Variants in APBB2 observed in about 807,000 individuals in gnomAD.
The protein encoded by APBB2 is Fe65-like 1.
A neutral mutation model predicts 82.5 loss-of-function variants in APBB2; 38 were observed. That is an observed-to-expected ratio of 0.46 (90% CI 0.36 to 0.60). APBB2 has a LOEUF of 0.60. Among genes scored for constraint, APBB2 ranks in the 20% least tolerant of loss-of-function variants. The pLI is 0.00. For synonymous variants in APBB2, 341 were observed against 368.2 expected (o/e 0.93, Z 0.85); for missense variants, 772 against 972.3 (o/e 0.79, Z 2.74).
At chr4:41,014,462 A>G (rs774354213) in intron 5 of APBB2, 64 bp from the exon 6 acceptor site, 6 of 1,416,390 alleles carry the variant, frequency 4.2e-6, no homozygotes, top group Non-Finnish European at 5.9e-6. Context: ...CAGTGTGAGT[A>G]AATATTTTTA....
chr4:40,955,651 G>A (rs887049505), intron 6 of APBB2, among the ~76,000 whole-genome samples: 1 of 152,164 alleles, frequency 6.6e-6, no homozygotes, highest in African/African-American at 2.4e-5. Flanking sequence ...AGTGGCTCGT[G>A]CCTGTAATCT....
chr4:40,920,380 T>C (rs1448710697), intron 10 of APBB2, among the ~76,000 whole-genome samples: 1 of 152,216 alleles, frequency 6.6e-6, no homozygotes, highest in Non-Finnish European at 1.5e-5. Flanking sequence ...CGTGTATGTC[T>C]TTATTAGCAG....
At chr4:40,930,454 C>CGT (rs988055594) in intron 10 of APBB2, among the ~76,000 whole-genome samples, 4 of 103,446 alleles carry the variant, frequency 3.9e-5, no homozygotes, top group African/African-American at 1.8e-4. Flanking sequence ...TGTGTGCGCG[C>CGT]GCGCGCGCGC....
chr4:41,007,672 T>G (rs1026076034), intron 6 of APBB2, among the ~76,000 whole-genome samples: 1 of 152,208 alleles, frequency 6.6e-6, no homozygotes, highest in Non-Finnish European at 1.5e-5. Flanking sequence ...ATACAAATTG[T>G]TATTACTTTT....
chr4:40,898,179 G>A (rs28620505), intron 10 of APBB2, among the ~76,000 whole-genome samples: 6,414 of 152,256 alleles, frequency 0.042, 433 homozygotes, highest in African/African-American at 0.15. Context: ...GCATGTGCGA[G>A]GCCCAAAGAA....
chr4:40,905,646 C>T (rs1248851485), intron 10 of APBB2, among the ~76,000 whole-genome samples: 1 of 152,196 alleles, frequency 6.6e-6, no homozygotes, highest in Non-Finnish European at 1.5e-5. Flanking sequence ...TTGAGAAAAG[C>T]AATCATTGTG....
At position 41,208,324 on chromosome 4, in the gene APBB2, C is replaced by T. The variant is rs191257913; in HGVS notation, c.-417+6081G>A. ...TCACCCAGGCTGGAGTGCAGTGGCG[C>T]GGTCTCAGCTCACAGCAACCTCCAC... On this transcript the variant is annotated intron_variant, in intron 1 of 17. Transcript: ENST00000508593. 4.0e-3 allele frequency among the ~76,000 whole-genome samples: 613 copies of T among 152,224 alleles called. 5 individuals carry two copies. Among genetic ancestry groups the T allele is most frequent in the Non-Finnish European group, 5.4e-3 (370 of 68,010 alleles).
At chr4:40,861,836 A>G (rs1762835930) in intron 12 of APBB2, among the ~76,000 whole-genome samples, 1 of 152,200 alleles carries the variant, frequency 6.6e-6, no homozygotes, top group Non-Finnish European at 1.5e-5. Context: ...TCTAAAAATA[A>G]AAATGTTACT....
In APBB2 at chr4:41,013,856, CT is replaced by C. The variant is rs1297193829; in HGVS notation, c.561del (p.Glu188ArgfsTer36). On this transcript the variant is annotated frameshift_variant, in exon 6 of 18. Transcript: ENST00000508593. LOFTEE classifies it high-confidence loss of function. The stretch of plus-strand genomic sequence containing the variant: ...TGGCCCTGGACTGGCTGGGATTTCT[CT>C]TCCGCAGTCCCATGGTGATTGCCTC... ...QNRGNHHGTA[E>X]EKSQPVQGQA... 1 of 1,614,166 alleles carries C rather than the reference CT, an allele frequency of 6.2e-7. No homozygotes were observed. Among genetic ancestry groups the C allele is most frequent in the South Asian group, 1.1e-5 (1 of 91,084 alleles).
intron 1 of APBB2, among the ~76,000 whole-genome samples, chr4:41,210,830 C>T (rs1779132392): frequency 6.6e-6 from 1 of 152,164 alleles, no homozygotes; most frequent in African/African-American, 2.4e-5. Context: ...AAGTTTAAAG[C>T]TCTATTGCTG....
At chr4:41,118,897 T>C (rs930109968) in intron 2 of APBB2, among the ~76,000 whole-genome samples, 6 of 152,280 alleles carry the variant, frequency 3.9e-5, no homozygotes, top group East Asian at 3.9e-4. Context: ...TCTAGCACTT[T>C]GGCAGGCTGA....
At chr4:40,863,315 G>C (rs778116119) in intron 12 of APBB2, among the ~76,000 whole-genome samples, 17 of 152,208 alleles carry the variant, frequency 1.1e-4, no homozygotes, top group Non-Finnish European at 2.1e-4. Flanking sequence ...TATCAACAGA[G>C]CAGGCGGGAT....
chr4:40,906,967 T>G (rs1219109809), intron 10 of APBB2, among the ~76,000 whole-genome samples: 1 of 152,172 alleles, frequency 6.6e-6, no homozygotes, highest in Non-Finnish European at 1.5e-5. Flanking sequence ...TGCATGTATA[T>G]GTAAATATGC....
intron 12 of APBB2, among the ~76,000 whole-genome samples, chr4:40,843,284 G>A (rs948097799): frequency 2.0e-5 from 3 of 152,200 alleles, no homozygotes; most frequent in African/African-American, 7.2e-5. Context: ...CGGCCAGCAG[G>A]GCCCTGCAGG....
Position 40,914,360 on chromosome 4 carries a change from G to A in APBB2, c.1254+20096C>T, listed in dbSNP as rs558510436. 3.3e-5 allele frequency among the ~76,000 whole-genome samples: 5 copies of A among 152,012 alleles called. No individual in the cohort carries two copies. The East Asian group carries it at 5.8e-4, about 18-fold the overall frequency. On this transcript the variant is annotated intron_variant, in intron 10 of 17. Coordinates refer to ENST00000508593, the MANE Select transcript of APBB2 (RefSeq NM_004307.2). ...TGCACTCTGGCCTGGGTGACAGAGC[G>A]AGACTCCATCTCAAAAAAATCAAAA...
intron 3 of APBB2, among the ~76,000 whole-genome samples, chr4:41,092,462 C>G (rs1276542499): frequency 6.6e-6 from 1 of 152,032 alleles, no homozygotes; most frequent in African/African-American, 2.4e-5. Flanking sequence ...CTACAGACAA[C>G]AAGAGTAAGA....
chr4:40,810,146 A>G lies in APBB2; in HGVS notation c.*5946T>C, dbSNP rs1035527752. 6.6e-6 allele frequency: 1 copy of G among 152,250 alleles called. No homozygotes were observed. Among genetic ancestry groups the G allele is most frequent in the Non-Finnish European group, 1.5e-5 (1 of 68,046 alleles). The allele number at this position is 152,250 out of a possible 1,614,324, so 9.4% of individuals were successfully genotyped here. On this transcript the variant is annotated 3_prime_UTR_variant, in exon 18 of 18. Coordinates refer to ENST00000508593, the MANE Select transcript of APBB2 (RefSeq NM_004307.2). ...GAATATTATCTTCTTCAAGATGAAT[A>G]CTTAGGTCTACTTCAGCTCTGATAT...
chr4:41,036,320 A>G (rs1223039321), intron 4 of APBB2, among the ~76,000 whole-genome samples: 1 of 152,182 alleles, frequency 6.6e-6, no homozygotes, highest in Non-Finnish European at 1.5e-5. Flanking sequence ...GACTGTCCTT[A>G]GTGTATATAA....
intron 6 of APBB2, among the ~76,000 whole-genome samples, chr4:40,972,445 T>TAATAAATAAATAAGTA (rs1796196785): frequency 6.8e-6 from 1 of 146,998 alleles, no homozygotes; most frequent in South Asian, 2.1e-4. Context: ...AAAAAAATAA[T>TAATAAATAAATAAGTA]AATAAATAAA....
Sources: allele counts gnomAD v4.1 joint callset (sites outside exome capture counted in the v4.1 genomes callset), GRCh38; gene constraint gnomAD v4.1.1; transcripts MANE v1.5; gene names NCBI Gene and HGNC (gene_info 2026-07-23, HGNC 2026-07-21).